LUZP2: variants seen among roughly 807,000 people sequenced by gnomAD.
LUZP2 encodes the protein leucine zipper protein 2.
LUZP2 carries 52 observed loss-of-function variants against 51.6 expected under a neutral mutation model. That is an observed-to-expected ratio of 1.01 (90% confidence interval 0.81 to 1.27). LUZP2 has a LOEUF of 1.27. Among genes scored for constraint, LUZP2 ranks in the 50% most tolerant of loss-of-function variants. The pLI is 0.00. For synonymous variants in LUZP2, 154 were observed against 137.3 expected (o/e 1.12, Z -0.85); for missense variants, 436 against 395.4 (o/e 1.10, Z -0.87).
intron 1 of LUZP2, among the ~76,000 whole-genome samples, chr11:24,578,229 T>G (rs772781478): frequency 3.9e-5 from 6 of 152,138 alleles, no homozygotes; most frequent in Non-Finnish European, 8.8e-5. Flanking sequence ...TTAAGGAGCT[T>G]CTTCTTAATT....
chr11:24,796,781 T>A (rs188034720), intron 5 of LUZP2, among the ~76,000 whole-genome samples: 1 of 152,072 alleles, frequency 6.6e-6, no homozygotes, highest in East Asian at 1.9e-4. Flanking sequence ...CTACACAAGT[T>A]TTTTTTGGTT....
intron 1 of LUZP2, among the ~76,000 whole-genome samples, chr11:24,678,077 G>GT (rs1397802042): frequency 1.7e-4 from 10 of 59,678 alleles, no homozygotes; most frequent in East Asian, 4.0e-4. Flanking sequence ...AAGGAGAAAG[G>GT]GGGGGGGGGG....
chr11:24,994,289 G>A (rs924908055), intron 9 of LUZP2, among the ~76,000 whole-genome samples: 1 of 150,972 alleles, frequency 6.6e-6, no homozygotes, highest in Non-Finnish European at 1.5e-5. Context: ...CTAGGCATAT[G>A]ATTTAATTTG....
At chr11:24,932,117 G>A (rs1854473019) in intron 7 of LUZP2, among the ~76,000 whole-genome samples, 1 of 152,196 alleles carries the variant, frequency 6.6e-6, no homozygotes, top group African/African-American at 2.4e-5. Flanking sequence ...CCATCTTCAG[G>A]TCTCTCAGCC....
At position 24,888,227 on chromosome 11, in the gene LUZP2, A is replaced by G. The variant is rs1213796422; in HGVS notation, c.397-17764A>G. 2.6e-5 allele frequency among the ~76,000 whole-genome samples: 4 copies of G among 151,894 alleles called. No individual in the cohort carries two copies. The South Asian group carries it at 8.3e-4, about 31-fold the overall frequency. On this transcript the variant is annotated intron_variant, in intron 5 of 11. Transcript: ENST00000336930. ...CTTATGACTGCAGATGCCTCCCCCT[A>G]CTTGGTTCTTGCCTGTTTTCTGAGC...
intron 9 of LUZP2, among the ~76,000 whole-genome samples, chr11:25,018,085 TCTTGA>T (rs1230408079): frequency 2.3e-5 from 3 of 132,476 alleles, no homozygotes; most frequent in Non-Finnish European, 1.6e-5. Context: ...AGGATTGAGT[TCTTGA>T]CTTCTTGATT....
intron 6 of LUZP2, among the ~76,000 whole-genome samples, chr11:24,911,742 G>A (rs1036453086): frequency 6.6e-6 from 1 of 152,168 alleles, no homozygotes; most frequent in Non-Finnish European, 1.5e-5. Flanking sequence ...AGACATAGAT[G>A]CTGTACTTGA....
At chr11:25,056,188 C>G (rs1014387740) in intron 10 of LUZP2, among the ~76,000 whole-genome samples, 10 of 152,006 alleles carry the variant, frequency 6.6e-5, no homozygotes, top group African/African-American at 1.9e-4. Flanking sequence ...GTAGAAACAG[C>G]TATAGGAAGA....
intron 4 of LUZP2, among the ~76,000 whole-genome samples, chr11:24,754,028 C>T (rs900418579): frequency 1.3e-5 from 2 of 152,002 alleles, no homozygotes; most frequent in Admixed American, 6.6e-5. Flanking sequence ...TTGTTTTAAC[C>T]CCATTAATTT....
intron 7 of LUZP2, among the ~76,000 whole-genome samples, chr11:24,960,614 G>A: frequency 6.6e-6 from 1 of 151,956 alleles, no homozygotes; most frequent in Admixed American, 6.6e-5. Context: ...ATTTTTTATT[G>A]TGTCTATTTG....
chr11:24,987,109 A>G (rs1452273860), intron 9 of LUZP2, among the ~76,000 whole-genome samples: 2 of 151,894 alleles, frequency 1.3e-5, no homozygotes, highest in Non-Finnish European at 1.5e-5. Flanking sequence ...TTCACATAAA[A>G]CATTAGCATA....
At chr11:24,755,072 G>T (rs962289566) in intron 4 of LUZP2, among the ~76,000 whole-genome samples, 3 of 151,994 alleles carry the variant, frequency 2.0e-5, no homozygotes, top group African/African-American at 7.3e-5. Context: ...TTGAACCTGG[G>T]AGGTGGAGGT....
At chr11:24,890,861 AT>A in intron 5 of LUZP2, 1 of 925,758 alleles carries the variant, frequency 1.1e-6, no homozygotes, top group Non-Finnish European at 1.3e-6. Context: ...AATATAAAGC[AT>A]TTTAGGGCCA....
Position 24,969,571 on chromosome 11 carries a change from G to T in LUZP2, c.523-7020G>T, listed in dbSNP as rs1855687520. Among the ~76,000 whole-genome samples, 4 of 152,224 alleles carry T rather than the reference G, an allele frequency of 2.6e-5. No individual in the cohort carries two copies. The South Asian group carries it at 8.3e-4, about 32-fold the overall frequency. On this transcript the variant is annotated intron_variant, in intron 7 of 11. Transcript: ENST00000336930. The stretch of plus-strand genomic sequence containing the variant: ...ACATCTTCATATTACTCTGCAAAGA[G>T]AAATAATATACTGTATCTTCCCTTA...
intron 1 of LUZP2, among the ~76,000 whole-genome samples, chr11:24,510,321 A>T (rs1228704372): frequency 6.6e-6 from 1 of 152,186 alleles, no homozygotes; most frequent in Non-Finnish European, 1.5e-5. Context: ...AGGACTAAAG[A>T]AGATGGTGCC....
chr11:24,600,830 A>G (rs144958204), intron 1 of LUZP2, among the ~76,000 whole-genome samples: 3 of 152,246 alleles, frequency 2.0e-5, no homozygotes, highest in East Asian at 3.9e-4. Context: ...GAAGGTAGAC[A>G]CGCTAGACTC....
chr11:25,006,668 A>G (rs1055776325), intron 9 of LUZP2, among the ~76,000 whole-genome samples: 3 of 152,176 alleles, frequency 2.0e-5, no homozygotes, highest in African/African-American at 4.8e-5. Context: ...AAGGAGTCCA[A>G]TGGCACTCAC....
At chr11:24,668,631 G>A (rs1856295023) in intron 1 of LUZP2, among the ~76,000 whole-genome samples, 1 of 152,078 alleles carries the variant, frequency 6.6e-6, no homozygotes, top group Admixed American at 6.6e-5. Context: ...CTTTCCACAT[G>A]GCAAAGAGTC....
intron 7 of LUZP2, among the ~76,000 whole-genome samples, chr11:24,932,301 G>A (rs1854477718): frequency 6.6e-6 from 1 of 152,170 alleles, no homozygotes; most frequent in Non-Finnish European, 1.5e-5. Flanking sequence ...ATACAAGCTT[G>A]CTGTAGGGTC....
Sources: allele counts gnomAD v4.1 joint callset (sites outside exome capture counted in the v4.1 genomes callset), GRCh38; gene constraint gnomAD v4.1.1; transcripts MANE v1.5; gene names NCBI Gene and HGNC (gene_info 2026-07-23, HGNC 2026-07-21).